Variants in SOX6 observed in about 807,000 individuals in gnomAD.
SOX6 encodes transcription factor SOX-6.
A neutral mutation model predicts 97.8 loss-of-function variants in SOX6; 11 were observed. The observed-to-expected ratio is 0.11, with a 90% CI of 0.07 to 0.19. The LOEUF (loss-of-function observed/expected upper bound fraction) is 0.19. Ranked by LOEUF, SOX6 falls within the 10% of genes least tolerant of loss-of-function variation. The pLI, the probability that SOX6 is intolerant of heterozygous loss-of-function variation, is 1.00. For synonymous variants in SOX6, 360 were observed against 371.4 expected (o/e 0.97, Z 0.35); for missense variants, 810 against 1,039.5 (o/e 0.78, Z 3.04).
chr11:16,702,033 T>G (rs1375149505), intron 3 of SOX6, among the ~76,000 whole-genome samples: 4 of 152,220 alleles, frequency 2.6e-5, no homozygotes, highest in Non-Finnish European at 5.9e-5. Flanking sequence ...CAGAGAAGCA[T>G]GTGTATCACA....
chr11:15,989,666 G>A (rs1487936091), intron 13 of SOX6, among the ~76,000 whole-genome samples: 1 of 152,060 alleles, frequency 6.6e-6, no homozygotes, highest in Non-Finnish European at 1.5e-5. Flanking sequence ...TCTTCTCACT[G>A]CCTAGAAGAC....
At chr11:16,528,648 G>A (rs1322864234) in intron 4 of SOX6, among the ~76,000 whole-genome samples, 1 of 152,048 alleles carries the variant, frequency 6.6e-6, no homozygotes, top group Non-Finnish European at 1.5e-5. Flanking sequence ...GAAAAAGAGG[G>A]GAACGTCTAT....
chr11:16,677,832 G>A (rs1207316987), intron 3 of SOX6, among the ~76,000 whole-genome samples: 2 of 152,106 alleles, frequency 1.3e-5, no homozygotes, highest in Non-Finnish European at 2.9e-5. Context: ...TCTGGCACTG[G>A]AATTTTCTTT....
At chr11:16,150,478 T>C (rs10741691) in intron 6 of SOX6, among the ~76,000 whole-genome samples, 149,529 of 152,242 alleles carry the variant, frequency 0.98, 73,486 homozygotes, top group East Asian at 1. Context: ...TTCTTGTCCA[T>C]GCAGCCTAAA....
intron 9 of SOX6, among the ~76,000 whole-genome samples, chr11:16,068,586 G>A (rs963799651): frequency 1.2e-4 from 18 of 152,098 alleles, no homozygotes; most frequent in Admixed American, 4.6e-4. Flanking sequence ...TATTTGAGAT[G>A]AGAGAACGGG....
At chr11:16,250,583 A>G (rs936297912) in intron 3 of SOX6, among the ~76,000 whole-genome samples, 3 of 152,128 alleles carry the variant, frequency 2.0e-5, no homozygotes, top group Non-Finnish European at 4.4e-5. Flanking sequence ...AGATGTATTA[A>G]TATCAGATAA....
intron 1 of SOX6, among the ~76,000 whole-genome samples, chr11:16,448,007 C>A (rs925268819): frequency 2.6e-5 from 4 of 152,178 alleles, no homozygotes; most frequent in Admixed American, 1.3e-4. Flanking sequence ...TGTTCCCTGG[C>A]AGTACAGCTG....
At chr11:15,984,310 T>C (rs1261381085) in intron 15 of SOX6, among the ~76,000 whole-genome samples, 1 of 152,156 alleles carries the variant, frequency 6.6e-6, no homozygotes, top group Non-Finnish European at 1.5e-5. Flanking sequence ...ACTCATATTT[T>C]CAAATAAGTA....
At chr11:16,321,946 A>T (rs1855941035) in intron 2 of SOX6, among the ~76,000 whole-genome samples, 1 of 152,144 alleles carries the variant, frequency 6.6e-6, no homozygotes, top group Non-Finnish European at 1.5e-5. Flanking sequence ...TCTGAGTAAA[A>T]GGGGCACGTA....
intron 4 of SOX6, among the ~76,000 whole-genome samples, chr11:16,601,068 CAT>C (rs1848263202): frequency 6.6e-6 from 1 of 152,094 alleles, no homozygotes; most frequent in Admixed American, 6.5e-5. Flanking sequence ...AGAGGAGAGA[CAT>C]ATTTCTTAAG....
intron 6 of SOX6, among the ~76,000 whole-genome samples, chr11:16,176,115 C>CAG (rs143702999): frequency 0.014 from 1,930 of 141,286 alleles, 44 homozygotes; most frequent in African/African-American, 0.045. Context: ...ATGGATGAGA[C>CAG]AGAGAGAGAG....
intron 4 of SOX6, among the ~76,000 whole-genome samples, chr11:16,495,455 G>T (rs536807625): frequency 3.3e-4 from 50 of 152,244 alleles, no homozygotes; most frequent in Middle Eastern, 6.8e-3. Flanking sequence ...GGTGCTTGGG[G>T]ATTGCTCTGC....
intron 4 of SOX6, among the ~76,000 whole-genome samples, chr11:16,228,113 G>A (rs10766308): frequency 0.21 from 31,286 of 151,530 alleles, 3,918 homozygotes; most frequent in Admixed American, 0.32. Flanking sequence ...CAGGAGAATC[G>A]CTTGAACCCG....
chr11:16,579,264 T>C (rs1457624602), intron 4 of SOX6, among the ~76,000 whole-genome samples: 1 of 151,848 alleles, frequency 6.6e-6, no homozygotes, highest in African/African-American at 2.4e-5. Context: ...ACTTATTTTA[T>C]TAATTAAAAT....
At chr11:16,524,590 C>G (rs1320754751) in intron 4 of SOX6, among the ~76,000 whole-genome samples, 1 of 150,366 alleles carries the variant, frequency 6.7e-6, no homozygotes, top group Non-Finnish European at 1.5e-5. Flanking sequence ...GATGCCCTCT[C>G]TCACCACTCC....
chr11:16,109,259 G>T (rs1015987425), intron 7 of SOX6, among the ~76,000 whole-genome samples: 1 of 152,022 alleles, frequency 6.6e-6, no homozygotes, highest in Non-Finnish European at 1.5e-5. Flanking sequence ...GGAGTGCAGT[G>T]GCAGAATCAC....
intron 13 of SOX6, 25 bp downstream of exon 13, chr11:16,014,917 A>G: frequency 6.3e-7 from 1 of 1,598,746 alleles, no homozygotes; most frequent in Non-Finnish European, 8.6e-7. Context: ...GAGCAGCAGA[A>G]AAGAACTAGA....
At chr11:16,084,442 G>C (rs1848536151) in intron 9 of SOX6, among the ~76,000 whole-genome samples, 1 of 151,890 alleles carries the variant, frequency 6.6e-6, no homozygotes, top group African/African-American at 2.4e-5. Flanking sequence ...AAGCAGAAGA[G>C]TATGGACAAA....
chr11:16,222,341 T>C (rs1468583896), intron 4 of SOX6, among the ~76,000 whole-genome samples: 1 of 152,124 alleles, frequency 6.6e-6, no homozygotes. Flanking sequence ...GCTTCTCCAG[T>C]AGCTAAGACT....
Sources: gnomAD v4.1 joint callset for allele counts (sites outside exome capture counted in the v4.1 genomes callset) on GRCh38, gnomAD v4.1.1 for gene constraint, MANE v1.5 for transcripts, NCBI Gene and HGNC (gene_info 2026-07-23, HGNC 2026-07-21) for gene names.